Variants in UNC13C observed in about 807,000 individuals in gnomAD.
UNC13C encodes the protein unc-13 homolog C.
Under a neutral mutation model 245.4 loss-of-function variants are expected in UNC13C, and 174 were observed. The observed-to-expected ratio is 0.71, with a 90% CI of 0.63 to 0.80. The LOEUF (loss-of-function observed/expected upper bound fraction) is 0.80. Among genes scored for constraint, UNC13C ranks in the 30% least tolerant of loss-of-function variants. The probability of loss-of-function intolerance (pLI) is 0.00; values close to 1 mark genes in which losing one functional copy is unlikely to be tolerated. For missense variants in UNC13C, 2,829 were observed against 2,602.9 expected (o/e 1.09, Z -1.89); for synonymous variants, 992 against 895.1 (o/e 1.11, Z -1.93).
chr15:54,619,018 G>T (rs2141304492), intron 30 of UNC13C, among the ~76,000 whole-genome samples: 1 of 152,236 alleles, frequency 6.6e-6, no homozygotes, highest in East Asian at 1.9e-4. Flanking sequence ...GTCTTTTTAA[G>T]AGTAGTTTGA....
At chr15:54,347,223 C>T (rs2140833396) in intron 17 of UNC13C, among the ~76,000 whole-genome samples, 1 of 152,240 alleles carries the variant, frequency 6.6e-6, no homozygotes, top group African/African-American at 2.4e-5. Flanking sequence ...AGCATTAACT[C>T]AGTTCCGTGG....
At chr15:53,908,609 C>A in the UNC13C span, among the ~76,000 whole-genome samples, 1 of 143,892 alleles carries the variant, frequency 6.9e-6, no homozygotes, top group South Asian at 2.4e-4. Context: ...AACATACAAA[C>A]CCAGGCATGG....
intron 19 of UNC13C, among the ~76,000 whole-genome samples, chr15:54,466,130 T>C (rs1892151885): frequency 6.6e-6 from 1 of 151,896 alleles, no homozygotes; most frequent in African/African-American, 2.4e-5. Context: ...ATGTGGGAGC[T>C]AAAAAGAATT....
Position 54,627,360 on chromosome 15 carries a change from T to C in UNC13C, c.*247T>C. 6.1e-6 allele frequency: 2 copies of C among 328,172 alleles called. No homozygotes were observed. The highest frequency in any genetic ancestry group is 9.5e-5 in the South Asian group (1 of 10,530). The allele number at this position is 328,172 out of a possible 1,614,324, so 20.3% of individuals were successfully genotyped here. ...CAAGAACACCTTTTAACATGTTTAT[T>C]TTGTTTCTTTACCCATTTCACATTC... On this transcript the variant is annotated 3_prime_UTR_variant, in exon 33 of 33. Transcript: ENST00000260323.
chr15:53,988,912 A>G (rs1057242679), intron 1 of UNC13C, among the ~76,000 whole-genome samples: 1 of 152,016 alleles, frequency 6.6e-6, no homozygotes, highest in Non-Finnish European at 1.5e-5. Flanking sequence ...GTGTGAATGA[A>G]TAAAGTGTCG....
chr15:54,466,201 G>C (rs911585903), intron 19 of UNC13C, among the ~76,000 whole-genome samples: 1 of 152,092 alleles, frequency 6.6e-6, no homozygotes, highest in South Asian at 2.1e-4. Context: ...TGGGGAAAGA[G>C]AGGTTGGTTA....
chr15:54,507,180 G>C lies in UNC13C; in HGVS notation c.5365G>C (p.Asp1789His). The stretch of plus-strand genomic sequence containing the variant: ...ATCAAGTGATTTCAGTTCACATTGT[G>C]ATAAGGAAAATGTGGTAAGTAAAAA... The part of the protein sequence containing the change: ...IVSSDFSSHC[D>H]KENVPCILMN... Residue 1789 changes from aspartate to histidine, a missense_variant, in exon 23 of 33, where the codon GAT (aspartate) becomes CAT (histidine). Physicochemically the swap from Asp to His is moderately conservative, Grantham distance 81. Transcript: ENST00000260323. 1 of 1,590,896 alleles carries C rather than the reference G, an allele frequency of 6.3e-7. No homozygotes were observed. The highest frequency in any genetic ancestry group is 8.6e-7 in the Non-Finnish European group (1 of 1,166,722).
chr15:54,618,289 AC>A (rs1900571222), intron 30 of UNC13C, among the ~76,000 whole-genome samples: 1 of 152,126 alleles, frequency 6.6e-6, no homozygotes, highest in South Asian at 2.1e-4. Context: ...TCACAAGGGC[AC>A]TACTCATTCT....
intron 4 of UNC13C, among the ~76,000 whole-genome samples, chr15:54,234,282 T>C (rs2035630861): frequency 2.0e-5 from 3 of 151,970 alleles, no homozygotes; most frequent in Admixed American, 2.0e-4. Flanking sequence ...AACTTACTAA[T>C]ACGCAAACTT....
chr15:54,309,861 AT>A (rs1399154168), intron 13 of UNC13C, among the ~76,000 whole-genome samples: 1 of 151,682 alleles, frequency 6.6e-6, no homozygotes, highest in Non-Finnish European at 1.5e-5. Flanking sequence ...CTATGTGTCT[AT>A]TTTTATGTCA....
intron 30 of UNC13C, among the ~76,000 whole-genome samples, chr15:54,608,577 G>A (rs1183432259): frequency 2.0e-5 from 3 of 152,130 alleles, no homozygotes; most frequent in Admixed American, 6.5e-5. Context: ...AAAGTGGCAG[G>A]TTTAATGTGT....
intron 10 of UNC13C, among the ~76,000 whole-genome samples, chr15:54,274,588 G>C (rs1363418115): frequency 1.3e-5 from 2 of 151,024 alleles, no homozygotes; most frequent in African/African-American, 4.9e-5. Flanking sequence ...TCCACTTAAA[G>C]GTGTGTACTA....
At chr15:53,924,119 A>G in the UNC13C span, among the ~76,000 whole-genome samples, 1 of 152,182 alleles carries the variant, frequency 6.6e-6, no homozygotes, top group South Asian at 2.1e-4. Flanking sequence ...ACACAGGAGT[A>G]TCGCTTGAAC....
At chr15:54,065,960 G>A (rs912631693) in intron 2 of UNC13C, among the ~76,000 whole-genome samples, 2 of 152,180 alleles carry the variant, frequency 1.3e-5, no homozygotes, top group African/African-American at 2.4e-5. Context: ...TCTCTTCCAT[G>A]ATTACTTAAC....
intron 1 of UNC13C, among the ~76,000 whole-genome samples, chr15:53,981,434 A>G (rs1893923825): frequency 6.6e-6 from 1 of 152,180 alleles, no homozygotes; most frequent in South Asian, 2.1e-4. Context: ...ATAGCTAGAA[A>G]GCCACTTTCT....
chr15:54,312,946 T>A (rs930100959), intron 13 of UNC13C, among the ~76,000 whole-genome samples: 1 of 151,824 alleles, frequency 6.6e-6, no homozygotes, highest in Non-Finnish European at 1.5e-5. Context: ...AAATCTTTGA[T>A]TGGTAACCTT....
At chr15:54,512,238 TGGA>T (rs1236647160) in intron 24 of UNC13C, 2 of 428,760 alleles carry the variant, frequency 4.7e-6, no homozygotes, top group Non-Finnish European at 9.3e-6. Context: ...TTTGATGTAC[TGGA>T]GTTTATTTTT....
intron 2 of UNC13C, among the ~76,000 whole-genome samples, chr15:54,076,450 A>C (rs2141108707): frequency 6.6e-6 from 1 of 152,084 alleles, no homozygotes; most frequent in South Asian, 2.1e-4. Flanking sequence ...ATCATTTTTT[A>C]TGGCTGCATA....
chr15:54,625,733 A>G (rs1009359863), intron 32 of UNC13C, among the ~76,000 whole-genome samples: 2 of 152,120 alleles, frequency 1.3e-5, no homozygotes, highest in Non-Finnish European at 2.9e-5. Context: ...ATCCTACTCT[A>G]TCAAAAGGGT....
Sources: allele counts gnomAD v4.1 joint callset (sites outside exome capture counted in the v4.1 genomes callset), GRCh38; gene constraint gnomAD v4.1.1; transcripts MANE v1.5; gene names NCBI Gene and HGNC (gene_info 2026-07-23, HGNC 2026-07-21).